DNAI2: variants seen among roughly 807,000 people sequenced by gnomAD.
DNAI2 encodes dynein, axonemal, intermediate polypeptide 2.
DNAI2 carries 63 observed loss-of-function variants against 74.7 expected under a neutral mutation model. That is an observed-to-expected ratio of 0.84 (90% confidence interval 0.69 to 1.04). The LOEUF (loss-of-function observed/expected upper bound fraction) is 1.04, where lower values mean the gene tolerates loss of function less well. Among genes scored for constraint, DNAI2 ranks in the 50% least tolerant of loss-of-function variants. The pLI is 0.00. For missense variants in DNAI2, 688 were observed against 803.2 expected, an observed-to-expected ratio of 0.86 and a Z score of 1.73; for synonymous variants, 289 against 314.9, an observed-to-expected ratio of 0.92 and a Z score of 0.87.
intron 2 of DNAI2, among the ~76,000 whole-genome samples, chr17:74,284,699 A>T (rs749778901): frequency 6.6e-6 from 1 of 152,218 alleles, no homozygotes; most frequent in Non-Finnish European, 1.5e-5. Context: ...GGTGTGAGCC[A>T]CTGCACCCGG....
Position 74,295,233 on chromosome 17 carries a change from TAAA to T in DNAI2, c.724+4117_724+4119del, listed in dbSNP as rs57143936. 3.1e-4 allele frequency among the ~76,000 whole-genome samples: 35 copies of T among 112,346 alleles called. No individual in the cohort carries two copies. In the South Asian group the frequency reaches 5.7e-3, roughly 18 times the overall value. 73.7% of individuals were successfully genotyped at this position (112,346 alleles called of 152,430 possible). A position where few individuals can be genotyped will look rare whatever the true frequency, so the allele number is the denominator to read the frequency against. ...AACATGGTCAAACCCCATCTCTACT[TAAA>T]AAAAAAAAAAAAAAAATCAGCCAGG... is the stretch of plus-strand genomic sequence containing the variant. On this transcript the variant is annotated intron_variant, in intron 6 of 13. Transcript: ENST00000311014.
intron 3 of DNAI2, among the ~76,000 whole-genome samples, chr17:74,286,566 G>A (rs1040989776): frequency 1.2e-4 from 18 of 151,716 alleles, no homozygotes; most frequent in African/African-American, 3.9e-4. Context: ...GATTACAGGC[G>A]GCTGCCACCA....
At chr17:74,284,152 A>AG (rs1270243848) in intron 2 of DNAI2, among the ~76,000 whole-genome samples, 2 of 151,384 alleles carry the variant, frequency 1.3e-5, no homozygotes, top group East Asian at 3.9e-4. Context: ...AAAAAAAAAA[A>AG]AAAGCTGTAG....
chr17:74,307,455 G>C (rs1405300481), intron 9 of DNAI2: 1 of 369,834 alleles, frequency 2.7e-6, no homozygotes, highest in African/African-American at 2.1e-5. Context: ...ATCACTTGAG[G>C]TCAGGAGTTC....
intron 6 of DNAI2, among the ~76,000 whole-genome samples, chr17:74,295,685 A>C (rs960137861): frequency 7.2e-5 from 11 of 152,026 alleles, no homozygotes; most frequent in Admixed American, 7.2e-4. Flanking sequence ...TGTATGATTT[A>C]ATGTGGCAAC....
At position 74,286,992 on chromosome 17, in the gene DNAI2, A is replaced by G. The variant is rs2051788126; in HGVS notation, c.361A>G (p.Ile121Val). 9 of 1,613,772 alleles carry G rather than the reference A, an allele frequency of 5.6e-6. No homozygotes were observed. Among genetic ancestry groups the G allele is most frequent in the South Asian group, 1.1e-5 (1 of 91,074 alleles). The change falls in exon 4 of 14, where the codon ATC (isoleucine) becomes GTC (valine). Residue 121 changes from isoleucine (I) to valine (V), a missense_variant. By Grantham distance (29) the Ile-to-Val change is conservative (BLOSUM62 3). Coordinates refer to ENST00000311014, the MANE Select transcript of DNAI2 (RefSeq NM_023036.6). ...TCCCCCCTAGATCATGGAGCACTGC[A>G]TCAAGCAGAACAATGCCATTGACAT... ...MQLGSIMEHC[I>V]KQNNAIDIYE...
intron 9 of DNAI2, 75 bp downstream of exon 9, chr17:74,305,517 A>G: frequency 7.2e-7 from 1 of 1,382,194 alleles, no homozygotes; most frequent in Non-Finnish European, 1.0e-6. Flanking sequence ...TGGGCCCCGG[A>G]GAGTCCCGAG....
chr17:74,289,520 C>CAA (rs35159044), intron 4 of DNAI2, 74 bp from the exon 5 acceptor site: 5,957 of 1,429,760 alleles, frequency 4.2e-3, no homozygotes, highest in Non-Finnish European at 4.8e-3. Context: ...CTCCATCTGA[C>CAA]AAAAAAAAAA....
chr17:74,301,278 G>C, intron 8 of DNAI2, 110 bp downstream of exon 8: 1 of 1,538,078 alleles, frequency 6.5e-7, no homozygotes, highest in Non-Finnish European at 8.9e-7. Flanking sequence ...CACCAGCCCA[G>C]GGAGGCCACC....
chr17:74,275,992 A>C (rs1326085542), intron 1 of DNAI2, among the ~76,000 whole-genome samples: 1 of 152,162 alleles, frequency 6.6e-6, no homozygotes, highest in Non-Finnish European at 1.5e-5. Context: ...CCAGGGACCA[A>C]GAAGAAGAGG....
chr17:74,302,457 C>T (rs1381555902), intron 8 of DNAI2, among the ~76,000 whole-genome samples: 2 of 152,146 alleles, frequency 1.3e-5, no homozygotes, highest in East Asian at 3.9e-4. Flanking sequence ...ATCCCAGCTA[C>T]TCGGGAGGCT....
chr17:74,300,358 C>T lies in DNAI2; in HGVS notation c.864+501C>T, dbSNP rs183400335. Among the ~76,000 whole-genome samples the T allele has an allele frequency of 3.0e-3, 451 of 152,320 alleles. 3 individuals carry two copies. Among genetic ancestry groups the T allele is most frequent in the African/African-American group, 0.01 (427 of 41,570 alleles). On this transcript the variant is annotated intron_variant, in intron 7 of 13. Coordinates refer to ENST00000311014, the MANE Select transcript of DNAI2 (RefSeq NM_023036.6). The surrounding 1 kb of genome is among the most constrained non-coding windows in gnomAD (Gnocchi z 4.5). The stretch of plus-strand genomic sequence containing the variant: ...CACCTCTGCCTGCACCTCCTCCCCT[C>T]CCTCCCTCTCTTATGTCTGCCTTCA...
chr17:74,314,420 T>C (rs1567883650), intron 13 of DNAI2, 149 bp downstream of exon 13: 1 of 1,115,604 alleles, frequency 9.0e-7, no homozygotes. Flanking sequence ...GAGCCACCCC[T>C]TGGAGAGAGG....
At position 74,300,998 on chromosome 17, in the gene DNAI2, G is replaced by C. The variant is rs2052728548; in HGVS notation, c.865-48G>C. On this transcript the variant is annotated intron_variant, in intron 7 of 13. Coordinates refer to ENST00000311014, the MANE Select transcript of DNAI2 (RefSeq NM_023036.6). This position sits in a 1 kb window ranked among gnomAD's most constrained non-coding sequence, Gnocchi z 4.5. ...TGAGGGCGGAGAAGGCAAAAGCCAGGGGAAATACAGGGCCTCGAAGTCTCA... is the reference window on the plus strand; with the variant it reads ...TGAGGGCGGAGAAGGCAAAAGCCAGCGGAAATACAGGGCCTCGAAGTCTCA... 6.2e-7 allele frequency: 1 copy of C among 1,610,520 alleles called. No individual in the cohort carries two copies. Among genetic ancestry groups the C allele is most frequent in the Admixed American group, 1.7e-5 (1 of 59,886 alleles).
At chr17:74,276,879 T>C (rs995387315) in intron 1 of DNAI2, among the ~76,000 whole-genome samples, 9 of 152,222 alleles carry the variant, frequency 5.9e-5, no homozygotes, top group Admixed American at 3.9e-4. Flanking sequence ...GCCTGAGTCC[T>C]GCAGCCCCAT....
chr17:74,301,837 G>C (rs1333010283), intron 8 of DNAI2, among the ~76,000 whole-genome samples: 1 of 141,988 alleles, frequency 7.0e-6, no homozygotes, highest in African/African-American at 2.7e-5. Context: ...GAGAGAGAGG[G>C]AAAGAAAAGG....
At chr17:74,296,344 G>A (rs530975161) in intron 6 of DNAI2, among the ~76,000 whole-genome samples, 3 of 121,196 alleles carry the variant, frequency 2.5e-5, no homozygotes, top group Admixed American at 1.6e-4. Context: ...GAGAGAGAGA[G>A]AGGAGAGAGA....
rs143072316 is a variant in DNAI2 at position 74,295,667 on chromosome 17, A to G, written c.725-4051A>G. Among the ~76,000 whole-genome samples the G allele has an allele frequency of 8.5e-4, 129 of 152,074 alleles. 1 individual carries two copies. The East Asian group carries it at 0.012, about 15-fold the overall frequency. ...TATAATTTTTTTTTTATTAAAAACT[A>G]TACTTTTTGTATGATTTAATGTGGC... On this transcript the variant is annotated intron_variant, in intron 6 of 13. Transcript: ENST00000311014.
At chr17:74,291,870 T>TTC (rs2052127329) in intron 6 of DNAI2, among the ~76,000 whole-genome samples, 1 of 151,532 alleles carries the variant, frequency 6.6e-6, no homozygotes, top group Non-Finnish European at 1.5e-5. Context: ...GATATTAATT[T>TTC]TTTTTTTTTT....
Sources: gnomAD v4.1 joint callset for allele counts (sites outside exome capture counted in the v4.1 genomes callset) on GRCh38, gnomAD v4.1.1 for gene constraint, Gnocchi (gnomAD v3.1) non-coding constraint, MANE v1.5 for transcripts, NCBI Gene and HGNC (gene_info 2026-07-23, HGNC 2026-07-21) for gene names.